Variants in ACACB observed in about 807,000 individuals in gnomAD.
ACACB encodes the protein acetyl-CoA carboxylase beta.
A neutral mutation model predicts 278.8 loss-of-function variants in ACACB; 209 were observed. The ratio of observed to expected loss-of-function variants is 0.75; its 90% confidence interval spans 0.67 to 0.84. The LOEUF (loss-of-function observed/expected upper bound fraction) is 0.84, where lower values mean the gene tolerates loss of function less well. Ranked by LOEUF, ACACB falls within the 40% of genes least tolerant of loss-of-function variation. The pLI, the probability that ACACB is intolerant of heterozygous loss-of-function variation, is 0.00. For synonymous variants in ACACB, 1,174 were observed against 1,285.6 expected (o/e 0.91, Z 1.86); for missense variants, 2,850 against 3,269.0 (o/e 0.87, Z 3.13).
intron 46 of ACACB, 136 bp from the exon 47 acceptor site, chr12:109,258,834 CCTT>C (rs2047301408): frequency 6.2e-6 from 7 of 1,126,772 alleles, no homozygotes; most frequent in Middle Eastern, 5.1e-4. Context: ...GGGCTTCCAT[CCTT>C]CTGAGCCCTG....
At chr12:109,167,431 C>T (rs2043946509) in intron 3 of ACACB, among the ~76,000 whole-genome samples, 2 of 150,740 alleles carry the variant, frequency 1.3e-5, no homozygotes, top group African/African-American at 4.9e-5. Flanking sequence ...AATCCTGTCT[C>T]TGCAAAAAAA....
chr12:109,137,170 C>A (rs2042984964), intron 1 of ACACB, among the ~76,000 whole-genome samples: 1 of 151,818 alleles, frequency 6.6e-6, no homozygotes, highest in Non-Finnish European at 1.5e-5. Context: ...ACTGACTTTT[C>A]TTTAAAAAAA....
intron 13 of ACACB, among the ~76,000 whole-genome samples, chr12:109,189,744 C>T (rs1479132997): frequency 1.3e-5 from 2 of 152,158 alleles, no homozygotes; most frequent in Non-Finnish European, 2.9e-5. Context: ...TCTTCATTTT[C>T]TCACCCCCAA....
intron 2 of ACACB, among the ~76,000 whole-genome samples, chr12:109,143,406 T>G (rs557358320): frequency 7.0e-6 from 1 of 142,176 alleles, no homozygotes; most frequent in Non-Finnish European, 1.5e-5. Context: ...GAGGTTGCAG[T>G]GAGCTGAGAT....
chr12:109,165,490 GATCAATT>G (rs765397342), intron 2 of ACACB, among the ~76,000 whole-genome samples: 32 of 152,232 alleles, frequency 2.1e-4, no homozygotes, highest in Non-Finnish European at 3.8e-4. Context: ...CATGTGGCCT[GATCAATT>G]ATCTTATGTG....
At chr12:109,245,996 G>A (rs1384155820) in intron 38 of ACACB, among the ~76,000 whole-genome samples, 183 bp from the exon 39 acceptor site, 1 of 152,102 alleles carries the variant, frequency 6.6e-6, no homozygotes, top group East Asian at 1.9e-4. Flanking sequence ...GACTGAGGCA[G>A]GAGTGATTGC....
At chr12:109,140,347 C>CTTCCTTCCTTCCTTCCTTCCTTCT (rs1565857831) in intron 2 of ACACB, among the ~76,000 whole-genome samples, 1 of 80,450 alleles carries the variant, frequency 1.2e-5, no homozygotes, top group African/African-American at 4.7e-5. Context: ...TCCTTCCTTC[C>CTTCCTTCCTTCCTTCCTTCCTTCT]TTCCCTCCTT....
intron 43 of ACACB, 135 bp downstream of exon 43, chr12:109,253,293 T>G: frequency 2.0e-6 from 2 of 981,808 alleles, no homozygotes; most frequent in Non-Finnish European, 1.4e-6. Flanking sequence ...TGGGGTTGAT[T>G]TTTCTTACTC....
intron 1 of ACACB, among the ~76,000 whole-genome samples, chr12:109,136,986 A>G (rs532515630): frequency 8.5e-5 from 13 of 152,162 alleles, no homozygotes; most frequent in Non-Finnish European, 1.6e-4. Flanking sequence ...TTTTTCATAA[A>G]TGTACTTTAT....
chr12:109,237,074 T>A, intron 33 of ACACB, 91 bp from the exon 34 acceptor site: 1 of 1,324,738 alleles, frequency 7.5e-7, no homozygotes, highest in Non-Finnish European at 1.1e-6. Flanking sequence ...ACCAGGGGTC[T>A]GCAGAGTAGG....
chr12:109,149,074 G>C (rs1402318704), intron 2 of ACACB, among the ~76,000 whole-genome samples: 4 of 152,136 alleles, frequency 2.6e-5, no homozygotes, highest in Admixed American at 2.6e-4. Flanking sequence ...TCTCAGCAAG[G>C]TAATCAGAGG....
chr12:109,123,552 G>C (rs2042602314), intron 1 of ACACB, among the ~76,000 whole-genome samples: 1 of 151,932 alleles, frequency 6.6e-6, no homozygotes, highest in South Asian at 2.1e-4. Flanking sequence ...AATTAGCCAG[G>C]CCTGGTGGCA....
intron 13 of ACACB, 163 bp from the exon 14 acceptor site, chr12:109,191,450 G>A (rs970905467): frequency 6.7e-6 from 5 of 749,356 alleles, no homozygotes; most frequent in Non-Finnish European, 8.4e-6. Flanking sequence ...CTGACCTCAA[G>A]TAATACACCT....
intron 1 of ACACB, among the ~76,000 whole-genome samples, chr12:109,123,078 G>C (rs544773249): frequency 2.0e-5 from 3 of 152,058 alleles, no homozygotes; most frequent in Admixed American, 2.0e-4. Flanking sequence ...CTACTCAGGA[G>C]GTTGAGGCAG....
rs2047531037 is a variant in ACACB, at chr12:109,266,839, A to G, written c.*477A>G. On this transcript the variant is annotated 3_prime_UTR_variant, in exon 53 of 53. Coordinates refer to ENST00000338432, the MANE Select transcript of ACACB (RefSeq NM_001093.4). The stretch of plus-strand genomic sequence containing the variant: ...TATATATATATAGACAGGACTAGAG[A>G]AAACCTATTTTTGTAATGATGTTTC... The G allele has an allele frequency of 1.3e-5, 2 of 152,144 alleles. No individual in the cohort carries two copies. Among genetic ancestry groups the G allele is most frequent in the Non-Finnish European group, 2.9e-5 (2 of 68,050 alleles). 9.4% of individuals were successfully genotyped at this position (152,144 alleles called of 1,614,324 possible).
At chr12:109,238,863 C>G (rs895299078) in intron 34 of ACACB, among the ~76,000 whole-genome samples, 1 of 151,654 alleles carries the variant, frequency 6.6e-6, no homozygotes, top group Non-Finnish European at 1.5e-5. Flanking sequence ...CCACGCCTGG[C>G]CCTATTGATG....
intron 43 of ACACB, 132 bp downstream of exon 43, chr12:109,253,290 G>A (rs1310239193): frequency 3.0e-6 from 3 of 1,002,832 alleles, no homozygotes; most frequent in Admixed American, 2.7e-5. Flanking sequence ...GGCTGGGGTT[G>A]ATTTTTCTTA....
rs532893396 is a variant in ACACB, at chr12:109,174,691, C to T, written c.1216+461C>T. Among the ~76,000 whole-genome samples the T allele has an allele frequency of 4.7e-5, 7 of 147,836 alleles. No individual in the cohort carries two copies. The East Asian group carries it at 1.4e-3, about 29-fold the overall frequency. On this transcript the variant is annotated intron_variant, in intron 7 of 52. Transcript: ENST00000338432. The stretch of plus-strand genomic sequence containing the variant: ...CAGCCTGGGCAACATAGCAAGACCC[C>T]ATCTCCAGAAAAAGTAAAAAAAAAA...
chr12:109,203,550 C>T (rs1319439255), intron 19 of ACACB, among the ~76,000 whole-genome samples: 4 of 152,128 alleles, frequency 2.6e-5, no homozygotes, highest in African/African-American at 9.7e-5. Flanking sequence ...GGCCTTTTGG[C>T]TTTCTTGCTC....
Sources: gnomAD v4.1 joint callset for allele counts (sites outside exome capture counted in the v4.1 genomes callset) on GRCh38, gnomAD v4.1.1 for gene constraint, MANE v1.5 for transcripts, NCBI Gene and HGNC (gene_info 2026-07-23, HGNC 2026-07-21) for gene names.